ARHGAP32: variants seen among roughly 807,000 people sequenced by gnomAD.
The protein encoded by ARHGAP32 is Rho GTPase activating protein 32.
ARHGAP32 carries 51 observed loss-of-function variants against 186.5 expected under a neutral mutation model. The observed-to-expected ratio is 0.27, with a 90% CI of 0.22 to 0.35. ARHGAP32 has a LOEUF of 0.35. Among genes scored for constraint, ARHGAP32 ranks in the 10% least tolerant of loss-of-function variants. The pLI is 1.00. For synonymous variants in ARHGAP32, 950 were observed against 964.3 expected (o/e 0.99, Z 0.27); for missense variants, 2,186 against 2,623.5 (o/e 0.83, Z 3.64).
At chr11:129,093,152 G>A (rs1325316500) in intron 6 of ARHGAP32, among the ~76,000 whole-genome samples, 1 of 152,052 alleles carries the variant, frequency 6.6e-6, no homozygotes, top group East Asian at 1.9e-4. Context: ...TGCATCTGAA[G>A]CAGAGATAAC....
At chr11:129,184,666 T>C (rs1236657391) in intron 1 of ARHGAP32, among the ~76,000 whole-genome samples, 4 of 151,800 alleles carry the variant, frequency 2.6e-5, no homozygotes. Flanking sequence ...AACACAAAGG[T>C]TTGACTCTGT....
chr11:129,038,289 C>T (rs1456050038), intron 11 of ARHGAP32, among the ~76,000 whole-genome samples: 1 of 151,946 alleles, frequency 6.6e-6, no homozygotes, highest in African/African-American at 2.4e-5. Context: ...AGTTGGACCC[C>T]TGCCTCATCA....
intron 1 of ARHGAP32, among the ~76,000 whole-genome samples, chr11:129,269,804 G>T (rs1313932421): frequency 2.0e-5 from 3 of 152,160 alleles, no homozygotes; most frequent in African/African-American, 7.2e-5. Context: ...TCAAAGGGAA[G>T]AAACAATGTC....
intron 1 of ARHGAP32, among the ~76,000 whole-genome samples, chr11:129,201,109 T>C (rs1944450691): frequency 1.3e-5 from 2 of 152,214 alleles, no homozygotes; most frequent in African/African-American, 2.4e-5. Context: ...AAAGAACATA[T>C]AAAATCAGAT....
At chr11:129,014,169 A>T (rs982354144) in intron 11 of ARHGAP32, among the ~76,000 whole-genome samples, 1 of 152,222 alleles carries the variant, frequency 6.6e-6, no homozygotes, top group African/African-American at 2.4e-5. Flanking sequence ...TTATATTTGC[A>T]ATCTTTTTTT....
chr11:128,968,564 C>A lies in ARHGAP32; in HGVS notation c.*343G>T. The A allele has an allele frequency of 5.5e-6, 1 of 180,670 alleles. No individual in the cohort carries two copies. The highest frequency in any genetic ancestry group is 1.1e-5 in the Non-Finnish European group (1 of 87,796). 11.2% of individuals were successfully genotyped at this position (180,670 alleles called of 1,614,324 possible). ...TGCAGCAAATACTAAGAAGAAAGGA[C>A]AATGCTGAATTCAAATTCAGTTAAA... On this transcript the variant is annotated 3_prime_UTR_variant, in exon 23 of 23. Coordinates refer to ENST00000682385, the MANE Select transcript of ARHGAP32 (RefSeq NM_001378024.1).
At chr11:129,109,689 T>G (rs1287864059) in intron 5 of ARHGAP32, among the ~76,000 whole-genome samples, 2 of 152,158 alleles carry the variant, frequency 1.3e-5, no homozygotes, top group African/African-American at 4.8e-5. Flanking sequence ...ATGTTGAGTA[T>G]TTTTCATGTA....
chr11:128,989,814 G>C (rs937687546), intron 12 of ARHGAP32, among the ~76,000 whole-genome samples: 1 of 151,602 alleles, frequency 6.6e-6, no homozygotes, highest in African/African-American at 2.4e-5. Context: ...TGTGGTGTTT[G>C]GTTTTCTGTT....
chr11:128,998,025 G>A (rs1427634867), intron 12 of ARHGAP32, among the ~76,000 whole-genome samples: 1 of 152,184 alleles, frequency 6.6e-6, no homozygotes, highest in African/African-American at 2.4e-5. Context: ...GGCTGAAGAA[G>A]CTATCTAGGG....
chr11:129,069,676 C>T (rs1940808788), intron 6 of ARHGAP32, among the ~76,000 whole-genome samples: 1 of 152,038 alleles, frequency 6.6e-6, no homozygotes, highest in Admixed American at 6.6e-5. Context: ...AATAATTCAG[C>T]ATGCCCTGGT....
chr11:129,067,436 A>C (rs1249919878), intron 6 of ARHGAP32, among the ~76,000 whole-genome samples: 1 of 152,092 alleles, frequency 6.6e-6, no homozygotes, highest in Non-Finnish European at 1.5e-5. Context: ...CTCATAAAGG[A>C]TATTTATTAG....
At chr11:129,131,748 G>C (rs1186765399) in intron 2 of ARHGAP32, among the ~76,000 whole-genome samples, 3 of 152,126 alleles carry the variant, frequency 2.0e-5, no homozygotes, top group Non-Finnish European at 4.4e-5. Flanking sequence ...CACCAGGTGA[G>C]TGGTGGTATG....
At chr11:129,048,724 T>C (rs932320973) in intron 10 of ARHGAP32, among the ~76,000 whole-genome samples, 4 of 152,170 alleles carry the variant, frequency 2.6e-5, no homozygotes, top group Non-Finnish European at 5.9e-5. Context: ...AGCAAGTAGC[T>C]GAGGGGATTA....
At chr11:129,173,068 T>C (rs989056214) in intron 1 of ARHGAP32, among the ~76,000 whole-genome samples, 2 of 149,522 alleles carry the variant, frequency 1.3e-5, no homozygotes, top group African/African-American at 4.9e-5. Context: ...AAAAAACCAC[T>C]AGCTAGACTA....
intron 5 of ARHGAP32, among the ~76,000 whole-genome samples, chr11:129,100,598 T>C (rs1185493022): frequency 6.6e-6 from 1 of 151,968 alleles, no homozygotes; most frequent in Non-Finnish European, 1.5e-5. Flanking sequence ...CCACCCTACC[T>C]CCACCTGCCG....
At chr11:129,006,513 T>A (rs1034170054) in intron 11 of ARHGAP32, among the ~76,000 whole-genome samples, 2 of 152,218 alleles carry the variant, frequency 1.3e-5, no homozygotes, top group African/African-American at 2.4e-5. Flanking sequence ...TTCGATAAGA[T>A]CCAGAAGCAT....
At position 128,972,505 on chromosome 11, in the gene ARHGAP32, A is replaced by G. The variant is rs1455346128; in HGVS notation, c.4001T>C (p.Val1334Ala). The G allele has an allele frequency of 2.0e-6, 3 of 1,536,530 alleles. No homozygotes were observed. The highest frequency in any genetic ancestry group is 1.4e-5 in the African/African-American group (1 of 72,476). Residue 1334 changes from valine to alanine, a missense_variant, in exon 22 of 23, where the codon GTT (valine) becomes GCT (alanine). By Grantham distance (64) the Val-to-Ala change is moderately conservative (BLOSUM62 0). Around this residue, in one of 5 missense-constraint regions of ARHGAP32, gnomAD observed 1,502 missense variants for 1,570.0 expected, o/e 0.96. Coordinates refer to ENST00000682385, the MANE Select transcript of ARHGAP32 (RefSeq NM_001378024.1). ...GGTTGCTGCTTGTACCTGCCCCACA[A>G]CTGGTGGCTGCTCTGCAGATCTCTG... ...PSQRSAEQPPVVGQVQAATNI... is the reference protein window; with the variant it reads ...PSQRSAEQPPAVGQVQAATNI...
chr11:129,009,433 A>G (rs1389956301), intron 11 of ARHGAP32, among the ~76,000 whole-genome samples: 3 of 152,180 alleles, frequency 2.0e-5, no homozygotes, highest in Admixed American at 1.3e-4. Context: ...AGATCATCCA[A>G]TCACCTAGGT....
intron 1 of ARHGAP32, among the ~76,000 whole-genome samples, chr11:129,169,936 G>A (rs368167397): frequency 6.6e-6 from 1 of 151,916 alleles, no homozygotes; most frequent in African/African-American, 2.4e-5. Context: ...CATCCAATAA[G>A]GCCAAGCCAG....
Sources: allele counts gnomAD v4.1 joint callset (sites outside exome capture counted in the v4.1 genomes callset), GRCh38; gene constraint gnomAD v4.1.1; regional missense constraint gnomAD v4.1.1; transcripts MANE v1.5; gene names NCBI Gene and HGNC (gene_info 2026-07-23, HGNC 2026-07-21).